KPNA7: variants seen among roughly 807,000 people sequenced by gnomAD.
The protein encoded by KPNA7 is importin subunit alpha-8.
A neutral mutation model predicts 53.7 loss-of-function variants in KPNA7; 54 were observed. That is an observed-to-expected ratio of 1.01 (90% CI 0.81 to 1.26). The LOEUF is 1.26. KPNA7 is among the 50% of genes most tolerant of loss of function. The pLI is 0.00. For missense variants in KPNA7, 640 were observed against 644.5 expected (o/e 0.99, Z 0.07); for synonymous variants, 276 against 259.3 (o/e 1.06, Z -0.62).
chr7:99,191,014 C>A (rs1380216948), intron 6 of KPNA7, among the ~76,000 whole-genome samples: 1 of 152,054 alleles, frequency 6.6e-6, no homozygotes, highest in African/African-American at 2.4e-5. Context: ...TTTTTTCCTG[C>A]ACTTTTCCCC....
rs556029257 is a variant in KPNA7, at chr7:99,195,444, T to C, written c.285-106A>G. On this transcript the variant is annotated intron_variant, in intron 4 of 10. Coordinates refer to ENST00000327442, the MANE Select transcript of KPNA7 (RefSeq NM_001145715.3). ...TGGCTCACACCTGTAATCTCAGCAC[T>C]TTGGGAGACCAAGGCGGGCAGATCA... is the stretch of plus-strand genomic sequence containing the variant. The C allele has an allele frequency of 6.6e-6, 7 of 1,057,060 alleles. No homozygotes were observed. In the East Asian group the frequency reaches 1.8e-4, roughly 28 times the overall value. 65.5% of individuals were successfully genotyped at this position (1,057,060 alleles called of 1,614,324 possible). A position where few individuals can be genotyped will look rare whatever the true frequency, so the allele number is the denominator to read the frequency against.
chr7:99,167,979 A>C, the KPNA7 span, among the ~76,000 whole-genome samples: 2 of 21,398 alleles, frequency 9.3e-5, no homozygotes, highest in Non-Finnish European at 1.4e-4. Context: ...TCCCCAAACC[A>C]TTCCCCCACC....
intron 1 of KPNA7, among the ~76,000 whole-genome samples, chr7:99,219,108 G>A (rs1220426895): frequency 6.6e-6 from 1 of 152,236 alleles, no homozygotes; most frequent in Admixed American, 6.5e-5. Context: ...GGAATCACTT[G>A]GGGAGTTTTG....
At chr7:99,164,154 T>C in the KPNA7 span, among the ~76,000 whole-genome samples, 1 of 150,878 alleles carries the variant, frequency 6.6e-6, no homozygotes, top group Non-Finnish European at 1.5e-5. Flanking sequence ...ACCCAAAGGA[T>C]TATAAATCAT....
At chr7:99,203,716 T>A (rs563377799) in intron 2 of KPNA7, among the ~76,000 whole-genome samples, 1 of 152,120 alleles carries the variant, frequency 6.6e-6, no homozygotes, top group East Asian at 1.9e-4. Flanking sequence ...ATTTATATAT[T>A]TGTTTTCTTT....
At chr7:99,215,367 C>T (rs1791189853) in intron 1 of KPNA7, among the ~76,000 whole-genome samples, 1 of 30,312 alleles carries the variant, frequency 3.3e-5, no homozygotes. Context: ...GCGAGACTGT[C>T]TCAAAAAAAA....
At chr7:99,164,690 G>A in the KPNA7 span, among the ~76,000 whole-genome samples, 27 of 152,134 alleles carry the variant, frequency 1.8e-4, no homozygotes, top group Middle Eastern at 3.4e-3. Flanking sequence ...CAAAAAGGAG[G>A]CCTGGAGAGG....
chr7:99,162,037 A>ATT, the KPNA7 span, among the ~76,000 whole-genome samples: 3,616 of 106,676 alleles, frequency 0.034, 90 homozygotes, highest in East Asian at 0.12. Context: ...CAAGATTGCA[A>ATT]TTTTTTTTTT....
chr7:99,206,201 G>A (rs67422346), intron 2 of KPNA7, among the ~76,000 whole-genome samples: 14,491 of 152,004 alleles, frequency 0.095, 741 homozygotes, highest in South Asian at 0.15. Context: ...TCACACTGTC[G>A]CCTGGATGGA....
the KPNA7 span, among the ~76,000 whole-genome samples, chr7:99,157,076 C>T: frequency 6.6e-6 from 1 of 151,974 alleles, no homozygotes; most frequent in Non-Finnish European, 1.5e-5. Context: ...TTCATGGCAT[C>T]TTTTTGTTTT....
At chr7:99,169,902 A>G (rs1320341333), downstream of KPNA7, among the ~76,000 whole-genome samples, 1 of 152,084 alleles carries the variant, frequency 6.6e-6, no homozygotes, top group South Asian at 2.1e-4. Context: ...TTAGCCGGGC[A>G]TGGTGGCTTG....
At chr7:99,186,747 C>G (rs535328709) in intron 7 of KPNA7, among the ~76,000 whole-genome samples, 1 of 151,792 alleles carries the variant, frequency 6.6e-6, no homozygotes, top group African/African-American at 2.4e-5. Context: ...TGTCAAAAAA[C>G]AACAACAACA....
the KPNA7 span, among the ~76,000 whole-genome samples, chr7:99,158,399 G>A: frequency 2.0e-5 from 3 of 151,770 alleles, no homozygotes; most frequent in South Asian, 2.1e-4. Flanking sequence ...CTCCAGTTCT[G>A]GACTTTATAT....
the KPNA7 span, among the ~76,000 whole-genome samples, chr7:99,161,265 CT>C: frequency 1.0e-5 from 1 of 99,260 alleles, no homozygotes; most frequent in African/African-American, 3.7e-5. Flanking sequence ...CTCTCTCTCT[CT>C]CTCTGATCAC....
chr7:99,175,389 G>C (rs1235414788), intron 10 of KPNA7, among the ~76,000 whole-genome samples: 2 of 152,068 alleles, frequency 1.3e-5, no homozygotes, highest in East Asian at 3.8e-4. Context: ...TGTTGCCCAG[G>C]CTGGTCTCGG....
At chr7:99,148,011 C>T in the KPNA7 span, among the ~76,000 whole-genome samples, 4 of 145,832 alleles carry the variant, frequency 2.7e-5, no homozygotes, top group African/African-American at 1.0e-4. Flanking sequence ...AATGAGACCC[C>T]ATGTCTTTAA....
chr7:99,194,707 G>A (rs1214013945), intron 5 of KPNA7, among the ~76,000 whole-genome samples: 6 of 152,180 alleles, frequency 3.9e-5, no homozygotes, highest in East Asian at 1.9e-4. Context: ...AGGTTCAAGC[G>A]ATTCTCCTGC....
downstream of KPNA7, among the ~76,000 whole-genome samples, chr7:99,169,079 C>G (rs1190634707): frequency 6.6e-6 from 1 of 151,928 alleles, no homozygotes; most frequent in East Asian, 1.9e-4. Flanking sequence ...TCCTAGCTAC[C>G]CGGGAGGCGG....
At chr7:99,192,620 G>A (rs1379245245) in intron 6 of KPNA7, among the ~76,000 whole-genome samples, 1 of 152,080 alleles carries the variant, frequency 6.6e-6, no homozygotes, top group Non-Finnish European at 1.5e-5. Context: ...ATGTTGCCCA[G>A]GCTGGTTTTG....
Sources: allele counts gnomAD v4.1 joint callset (sites outside exome capture counted in the v4.1 genomes callset), GRCh38; gene constraint gnomAD v4.1.1; transcripts MANE v1.5; gene names NCBI Gene and HGNC (gene_info 2026-07-23, HGNC 2026-07-21).